The following NOX4 variants were observed in gnomAD, a reference collection of about 807,000 sequenced individuals.
NOX4 encodes kidney oxidase-1.
Under a neutral mutation model 87.6 loss-of-function variants are expected in NOX4, and 69 were observed. That is an observed-to-expected ratio of 0.79 (90% confidence interval 0.65 to 0.96). The LOEUF (loss-of-function observed/expected upper bound fraction) is 0.96. Ranked by LOEUF, NOX4 falls within the 40% of genes least tolerant of loss-of-function variation. The pLI, the probability that NOX4 is intolerant of heterozygous loss-of-function variation, is 0.00. For missense variants in NOX4, 680 were observed against 681.5 expected, an observed-to-expected ratio of 1.00 and a Z score of 0.02; for synonymous variants, 275 against 238.2, an observed-to-expected ratio of 1.15 and a Z score of -1.42.
chr11:89,495,289 T>C (rs1037706053), upstream of NOX4, among the ~76,000 whole-genome samples: 3 of 152,142 alleles, frequency 2.0e-5, no homozygotes, highest in African/African-American at 4.8e-5. Flanking sequence ...CCATCTTTTC[T>C]GATGTGCTAA....
intron 2 of NOX4, among the ~76,000 whole-genome samples, chr11:89,463,310 A>C (rs965886860): frequency 1.3e-5 from 2 of 151,926 alleles, no homozygotes; most frequent in African/African-American, 4.8e-5. Flanking sequence ...ATTTTCAAAG[A>C]ATCAGTTCCC....
intron 11 of NOX4, among the ~76,000 whole-genome samples, chr11:89,397,206 T>C (rs948352514): frequency 3.3e-5 from 5 of 152,098 alleles, no homozygotes; most frequent in African/African-American, 1.2e-4. Context: ...AACAAACTGC[T>C]CCTGAATGAC....
At chr11:89,404,248 C>A (rs554094405) in intron 8 of NOX4, among the ~76,000 whole-genome samples, 1 of 151,960 alleles carries the variant, frequency 6.6e-6, no homozygotes, top group Non-Finnish European at 1.5e-5. Context: ...AAACCTTTTG[C>A]TCCTATTGGC....
chr11:89,557,398 C>A, the NOX4 span, among the ~76,000 whole-genome samples: 2 of 152,138 alleles, frequency 1.3e-5, no homozygotes, highest in Non-Finnish European at 2.9e-5. Flanking sequence ...GGGACCCAAG[C>A]CAGGTCAATT....
intron 1 of NOX4, chr11:89,490,850 T>C: frequency 1.4e-6 from 1 of 700,708 alleles, no homozygotes; most frequent in East Asian, 2.7e-5. Flanking sequence ...GACATCACCA[T>C]ACCCCAAGCA....
At chr11:89,571,693 A>G in the NOX4 span, among the ~76,000 whole-genome samples, 85 of 143,384 alleles carry the variant, frequency 5.9e-4, no homozygotes, top group African/African-American at 2.3e-3. Flanking sequence ...ACTTTTGTGA[A>G]AAAAAAAAAA....
chr11:89,467,608 T>G (rs1945763561), intron 2 of NOX4, among the ~76,000 whole-genome samples: 1 of 152,128 alleles, frequency 6.6e-6, no homozygotes, highest in Admixed American at 6.5e-5. Context: ...CACTAACTAG[T>G]GCTCTGAAGC....
At chr11:89,345,096 T>G (rs1216724483) in intron 13 of NOX4, among the ~76,000 whole-genome samples, 1 of 152,178 alleles carries the variant, frequency 6.6e-6, no homozygotes, top group Admixed American at 6.5e-5. Flanking sequence ...AAAAAGCCCA[T>G]GATGGTTCTC....
the NOX4 span, among the ~76,000 whole-genome samples, chr11:89,527,905 C>A: frequency 6.6e-6 from 1 of 152,312 alleles, no homozygotes; most frequent in East Asian, 1.9e-4. Context: ...TCCTCCATAA[C>A]CCAGAATGGT....
At chr11:89,458,489 G>A (rs1014150900) in intron 2 of NOX4, among the ~76,000 whole-genome samples, 1 of 152,070 alleles carries the variant, frequency 6.6e-6, no homozygotes, top group African/African-American at 2.4e-5. Context: ...AGTAGCTTCT[G>A]TACAACAAAA....
At chr11:89,393,065 G>A (rs1463508177) in intron 11 of NOX4, among the ~76,000 whole-genome samples, 1 of 152,070 alleles carries the variant, frequency 6.6e-6, no homozygotes, top group African/African-American at 2.4e-5. Flanking sequence ...AAGCTATGTT[G>A]GACAACTATC....
chr11:89,576,824 G>A, the NOX4 span: 1 of 151,866 alleles, frequency 6.6e-6, no homozygotes, highest in Non-Finnish European at 1.5e-5. Flanking sequence ...GTTATGTAAT[G>A]GAGCTATATA....
chr11:89,527,548 T>C, the NOX4 span, among the ~76,000 whole-genome samples: 1 of 152,166 alleles, frequency 6.6e-6, no homozygotes, highest in Non-Finnish European at 1.5e-5. Flanking sequence ...TGCTTCTTTG[T>C]TCAGTCTTGG....
At chr11:89,382,689 C>T (rs759177353) in intron 11 of NOX4, among the ~76,000 whole-genome samples, 2 of 152,070 alleles carry the variant, frequency 1.3e-5, no homozygotes, top group Non-Finnish European at 2.9e-5. Context: ...CCAAATCTTC[C>T]TCAGACTCCA....
intron 17 of NOX4, among the ~76,000 whole-genome samples, chr11:89,327,784 C>G (rs1945281989): frequency 6.6e-6 from 1 of 151,908 alleles, no homozygotes; most frequent in African/African-American, 2.4e-5. Flanking sequence ...GTTATTAAAA[C>G]TTTTTACCTT....
chr11:89,481,185 T>A (rs2135470940), intron 2 of NOX4, among the ~76,000 whole-genome samples: 1 of 152,144 alleles, frequency 6.6e-6, no homozygotes, highest in Admixed American at 6.6e-5. Context: ...TCTCATATGC[T>A]CAGCATCTGT....
At chr11:89,378,660 T>A (rs1420559084) in intron 11 of NOX4, among the ~76,000 whole-genome samples, 3 of 151,954 alleles carry the variant, frequency 2.0e-5, no homozygotes, top group African/African-American at 7.3e-5. Flanking sequence ...GAGAAAAATA[T>A]AGGAAGAAAA....
chr11:89,551,852 G>A, the NOX4 span, among the ~76,000 whole-genome samples: 1 of 151,916 alleles, frequency 6.6e-6, no homozygotes, highest in Non-Finnish European at 1.5e-5. Context: ...GTAAGAGAGG[G>A]CATCCTTGTC....
At chr11:89,471,512 G>T (rs1049337498) in intron 2 of NOX4, among the ~76,000 whole-genome samples, 2 of 152,006 alleles carry the variant, frequency 1.3e-5, no homozygotes, top group Admixed American at 6.6e-5. Context: ...GTCTATGGCA[G>T]AAAATTGGAA....
Sources: gnomAD v4.1 joint callset for allele counts (sites outside exome capture counted in the v4.1 genomes callset) on GRCh38, gnomAD v4.1.1 for gene constraint, MANE v1.5 for transcripts, NCBI Gene and HGNC (gene_info 2026-07-23, HGNC 2026-07-21) for gene names.